RCOR3: variants seen among roughly 807,000 people sequenced by gnomAD.
RCOR3 encodes the protein REST corepressor 3.
RCOR3 carries 13 observed loss-of-function variants against 64.1 expected under a neutral mutation model. That is an observed-to-expected ratio of 0.20 (90% CI 0.13 to 0.32). The LOEUF is 0.32. Ranked by LOEUF, RCOR3 falls within the 10% of genes least tolerant of loss-of-function variation. RCOR3 has a pLI of 1.00. For missense variants in RCOR3, 489 were observed against 701.2 expected (o/e 0.70, Z 3.42); for synonymous variants, 215 against 239.0 (o/e 0.90, Z 0.93).
chr1:211,294,757 T>G (rs1287175071), intron 8 of RCOR3, among the ~76,000 whole-genome samples: 1 of 151,912 alleles, frequency 6.6e-6, no homozygotes, highest in Non-Finnish European at 1.5e-5. Context: ...GCCCGGCTAA[T>G]TTTTTGTATT....
chr1:211,313,689 C>T lies in RCOR3; in HGVS notation c.1583C>T (p.Pro528Leu), dbSNP rs755682930. 1.1e-5 allele frequency: 18 copies of T among 1,614,070 alleles called. No homozygotes were observed. Among genetic ancestry groups the T allele is most frequent in the South Asian group, 7.7e-5 (7 of 91,086 alleles). The change falls in exon 12 of 12, where the codon CCG becomes CTG. Residue 528 changes from proline (P) to leucine (L), a missense_variant. Pro to Leu is a moderately conservative substitution (Grantham distance 98). Coordinates refer to ENST00000419091, the MANE Select transcript of RCOR3 (RefSeq NM_001136223.3). The surrounding 1 kb of genome is among the most constrained non-coding windows in gnomAD (Gnocchi z 4.7). ...NSMPPRLNPR[P>L]VLSTVGGQQP... The stretch of plus-strand genomic sequence containing the variant: ...ATGCCACCCCGTCTAAACCCAAGAC[C>T]GGTGTTGTCCACGGTTGGTGGTCAA...
chr1:211,273,304 TGAG>T (rs1326276461), intron 3 of RCOR3, among the ~76,000 whole-genome samples: 2 of 152,002 alleles, frequency 1.3e-5, no homozygotes, highest in African/African-American at 2.4e-5. Flanking sequence ...CTATTTAGAG[TGAG>T]GAAACTAAGG....
chr1:211,279,649 A>T (rs1248165457), intron 7 of RCOR3, among the ~76,000 whole-genome samples: 3 of 152,214 alleles, frequency 2.0e-5, no homozygotes, highest in Admixed American at 6.5e-5. Flanking sequence ...AATGTTATTT[A>T]AAAAATTCTC....
intron 2 of RCOR3, among the ~76,000 whole-genome samples, chr1:211,269,041 G>A (rs947258766): frequency 6.6e-6 from 1 of 152,142 alleles, no homozygotes; most frequent in Non-Finnish European, 1.5e-5. Context: ...CTGACCCCTA[G>A]AAATGAATGT....
intron 8 of RCOR3, among the ~76,000 whole-genome samples, chr1:211,295,013 G>T (rs1371378640): frequency 2.0e-5 from 3 of 149,984 alleles, no homozygotes; most frequent in African/African-American, 7.4e-5. Context: ...GAATAACTAG[G>T]ACTACAGGTT....
intron 2 of RCOR3, among the ~76,000 whole-genome samples, chr1:211,270,211 C>T (rs566149666): frequency 9.2e-5 from 14 of 151,848 alleles, no homozygotes; most frequent in South Asian, 2.1e-4. Flanking sequence ...TACAGGTGCG[C>T]GCCACCACAC....
rs1188397117 is a variant in RCOR3 at position 211,315,688 on chromosome 1, TGTCA to T, written c.*1925_*1928del. ...CCTTCAGTACACAGTATGTGGGATA[TGTCA>T]GTCAAGTTGGTCAGCACCAGCATCT... On this transcript the variant is annotated 3_prime_UTR_variant, in exon 12 of 12. Transcript: ENST00000419091. 10 of 152,344 alleles carry T rather than the reference TGTCA, an allele frequency of 6.6e-5. No homozygotes were observed. In the East Asian group the frequency reaches 1.9e-3, roughly 29 times the overall value. The allele number at this position is 152,344 out of a possible 1,614,324, so 9.4% of individuals were successfully genotyped here. A position where few individuals can be genotyped will look rare whatever the true frequency, so the allele number is the denominator to read the frequency against.
intron 7 of RCOR3, among the ~76,000 whole-genome samples, chr1:211,287,833 G>A (rs930206930): frequency 9.9e-5 from 15 of 151,962 alleles, no homozygotes; most frequent in Admixed American, 2.6e-4. Context: ...AGCCGAGATC[G>A]TGCCACTGCA....
intron 3 of RCOR3, among the ~76,000 whole-genome samples, chr1:211,273,903 A>G (rs979991475): frequency 2.3e-4 from 35 of 152,188 alleles, no homozygotes; most frequent in African/African-American, 7.5e-4. Context: ...TTATACAACA[A>G]TTAGATCTAT....
At chr1:211,279,187 TAAAAA>T (rs10708960) in intron 6 of RCOR3, 46 bp from the exon 7 acceptor site, 33 of 944,000 alleles carry the variant, frequency 3.5e-5, no homozygotes, top group South Asian at 1.5e-4. Flanking sequence ...AACGCTGTCT[TAAAAA>T]AAAAAAAAAA....
chr1:211,265,289 T>G (rs1694993713), intron 2 of RCOR3, among the ~76,000 whole-genome samples: 1 of 152,252 alleles, frequency 6.6e-6, no homozygotes, highest in African/African-American at 2.4e-5. Context: ...AGTGATGTGA[T>G]AGTACTAGTT....
intron 9 of RCOR3, chr1:211,301,381 G>T (rs185026339): frequency 6.6e-6 from 1 of 152,000 alleles, no homozygotes; most frequent in Non-Finnish European, 1.5e-5. Flanking sequence ...AGCTTTCCAG[G>T]ATTAAAGTCT....
At chr1:211,296,823 GTTATA>G (rs151264597) in intron 9 of RCOR3, among the ~76,000 whole-genome samples, 2,102 of 151,970 alleles carry the variant, frequency 0.014, 54 homozygotes, top group African/African-American at 0.049. Flanking sequence ...ATTTTATTTT[GTTATA>G]TTATTGCAAC....
chr1:211,280,106 AG>A (rs1697570322), intron 7 of RCOR3, among the ~76,000 whole-genome samples: 4 of 152,354 alleles, frequency 2.6e-5, no homozygotes, highest in Non-Finnish European at 2.9e-5. Context: ...CACTTTTTAT[AG>A]TACCCAGGAC....
chr1:211,276,858 G>A (rs1315316009), intron 5 of RCOR3, among the ~76,000 whole-genome samples: 3 of 151,982 alleles, frequency 2.0e-5, no homozygotes, highest in South Asian at 2.1e-4. Context: ...AGGCCGAGGC[G>A]GGCAGATCAT....
Position 211,310,629 on chromosome 1 carries a change from C to G in RCOR3, c.1076-2091C>G, listed in dbSNP as rs149165999. Among the ~76,000 whole-genome samples, 460 of 152,074 alleles carry G rather than the reference C, an allele frequency of 3.0e-3. 3 individuals are homozygous for G. The highest frequency in any genetic ancestry group is 0.011 in the African/African-American group (442 of 41,476). ...TTTACAAATGTAACAATATTGATGA[C>G]AAGGTAAAGTCCATTGAACAAGGGA... On this transcript the variant is annotated intron_variant, in intron 10 of 11. Coordinates refer to ENST00000419091, the MANE Select transcript of RCOR3 (RefSeq NM_001136223.3).
At chr1:211,273,498 A>T (rs746822008) in intron 3 of RCOR3, among the ~76,000 whole-genome samples, 2 of 152,246 alleles carry the variant, frequency 1.3e-5, no homozygotes, top group Non-Finnish European at 2.9e-5. Flanking sequence ...ATCAAGGCAG[A>T]GTGATTGATT....
At chr1:211,308,661 G>GTTTTTTTGT (rs1701115898) in intron 10 of RCOR3, among the ~76,000 whole-genome samples, 1 of 27,486 alleles carries the variant, frequency 3.6e-5, no homozygotes, top group African/African-American at 1.1e-4. Flanking sequence ...TTTTGGATGT[G>GTTTTTTTGT]TTTTTTTTTT....
chr1:211,284,091 T>C (rs1420087976), intron 7 of RCOR3, among the ~76,000 whole-genome samples: 1 of 152,020 alleles, frequency 6.6e-6, no homozygotes, highest in Non-Finnish European at 1.5e-5. Flanking sequence ...TCTCGCTCTG[T>C]CGCCCAGGCT....
Sources: allele counts gnomAD v4.1 joint callset (sites outside exome capture counted in the v4.1 genomes callset), GRCh38; gene constraint gnomAD v4.1.1; non-coding constraint Gnocchi (gnomAD v3.1); transcripts MANE v1.5; gene names NCBI Gene and HGNC (gene_info 2026-07-23, HGNC 2026-07-21).